DCDC2B: variants seen among roughly 807,000 people sequenced by gnomAD.
DCDC2B encodes doublecortin domain-containing protein 2B.
Under a neutral mutation model 38.9 loss-of-function variants are expected in DCDC2B, and 41 were observed. That is an observed-to-expected ratio of 1.05 (90% CI 0.82 to 1.37). The LOEUF (loss-of-function observed/expected upper bound fraction) is 1.37. DCDC2B is among the 40% of genes most tolerant of loss of function. DCDC2B has a pLI of 0.00. For synonymous variants in DCDC2B, 181 were observed against 171.9 expected (o/e 1.05, Z -0.41); for missense variants, 453 against 427.2 (o/e 1.06, Z -0.53).
chr1:32,213,681 T>C (rs1184800938), intron 6 of DCDC2B, among the ~76,000 whole-genome samples: 1 of 151,808 alleles, frequency 6.6e-6, no homozygotes, highest in East Asian at 2.0e-4. Flanking sequence ...GTTAATTTTT[T>C]TTGTATTTTT....
In DCDC2B at chr1:32,211,242, AGATGACCTGT is replaced by A; in HGVS notation, c.267-26_267-17del. 6.2e-7 allele frequency: 1 copy of A among 1,611,910 alleles called. No homozygotes were observed. Among genetic ancestry groups the A allele is most frequent in the Non-Finnish European group, 8.5e-7 (1 of 1,178,360 alleles). On this transcript the variant is annotated intron_variant, in intron 1 of 8. Coordinates refer to ENST00000409358, the MANE Select transcript of DCDC2B (RefSeq NM_001099434.2). ...GGCTATTGAGGCCTCAGTCTCCACA[AGATGACCTGT>A]GATCTATCTGTCCTTTCAGCTATTT... is the stretch of plus-strand genomic sequence containing the variant.
chr1:32,214,049 C>G (rs1305935493), intron 6 of DCDC2B, among the ~76,000 whole-genome samples: 3 of 151,832 alleles, frequency 2.0e-5, no homozygotes, highest in East Asian at 3.9e-4. Context: ...ATGGCTCACA[C>G]GTGTAATCCC....
Position 32,212,083 on chromosome 1 carries a change from G to C in DCDC2B, c.409G>C (p.Gly137Arg). The C allele has an allele frequency of 6.2e-7, 1 of 1,613,210 alleles. No homozygotes were observed. Residue 137 changes from glycine to arginine, a missense_variant, in exon 4 of 9, where the codon GGG becomes CGG. Coordinates refer to ENST00000409358, the MANE Select transcript of DCDC2B (RefSeq NM_001099434.2). ...TTTTTGTCTCAGTGTGTTCAGGAAT[G>C]GGGACCTGGTAAGTCCCCCATTTAG... ...APSYIHVFRN[G>R]DLVSPPFSLK...
chr1:32,215,650 T>A, intron 8 of DCDC2B, 107 bp downstream of exon 8: 1 of 1,158,160 alleles, frequency 8.6e-7, no homozygotes, highest in Non-Finnish European at 1.2e-6. Flanking sequence ...TGATTGAAAG[T>A]AAATGATCTC....
chr1:32,212,764 G>C lies in DCDC2B; in HGVS notation c.685G>C (p.Gly229Arg). The C allele has an allele frequency of 6.2e-7, 1 of 1,613,962 alleles. No individual in the cohort carries two copies. Among genetic ancestry groups the C allele is most frequent in the Non-Finnish European group, 8.5e-7 (1 of 1,179,876 alleles). ...SLPRGCWQPP[G>R]SKSRPHRQGA... The stretch of plus-strand genomic sequence containing the variant: ...CTTTTGTCATTGTAGGCAACCTCCA[G>C]GCTCGAAGTCTAGGCCCCACAGGCA... Residue 229 changes from glycine (G) to arginine (R), a missense_variant, in exon 6 of 9, where the codon GGC becomes CGC. Physicochemically the swap from Gly to Arg is moderately radical, Grantham distance 125. Transcript: ENST00000409358.
In DCDC2B at chr1:32,209,286, G is replaced by A. The variant is rs529439787; in HGVS notation, c.193G>A (p.Val65Ile). 6 of 1,614,028 alleles carry A rather than the reference G, an allele frequency of 3.7e-6. No homozygotes were observed. The South Asian group carries it at 5.5e-5, about 15-fold the overall frequency. Residue 65 changes from valine to isoleucine, a missense_variant, in exon 1 of 9, where the codon GTC (valine) becomes ATC (isoleucine). Coordinates refer to ENST00000409358, the MANE Select transcript of DCDC2B (RefSeq NM_001099434.2). ...CTACACACCTTGTCATGGCCACCCTGTCACCAACCTGGCAGACTTGAAGAA... is the reference window on the plus strand; with the variant it reads ...CTACACACCTTGTCATGGCCACCCTATCACCAACCTGGCAGACTTGAAGAA... ...ALYTPCHGHP[V>I]TNLADLKNRG...
At position 32,212,606 on chromosome 1, in the gene DCDC2B, T is replaced by C. The variant is rs777828857; in HGVS notation, c.644T>C (p.Val215Ala). 12 of 1,613,888 alleles carry C rather than the reference T, an allele frequency of 7.4e-6. No individual in the cohort carries two copies. In the Admixed American group the frequency reaches 1.5e-4, roughly 20 times the overall value. ...GACCTTCCCTATCTGGAGCTGCTGG[T>C]GCCCAGCCCCTCCCTGCCCAGGGGC... The part of the protein sequence containing the change: ...FKDLPYLELL[V>A]PSPSLPRGCW... The change falls in exon 5 of 9, where the codon GTG becomes GCG. Residue 215 changes from valine to alanine, a missense_variant. Physicochemically the swap from Val to Ala is moderately conservative, Grantham distance 64. Coordinates refer to ENST00000409358, the MANE Select transcript of DCDC2B (RefSeq NM_001099434.2).
At chr1:32,210,017 A>T (rs1215322393) in intron 1 of DCDC2B, among the ~76,000 whole-genome samples, 1 of 151,776 alleles carries the variant, frequency 6.6e-6, no homozygotes, top group African/African-American at 2.4e-5. Context: ...ACATGGCGAA[A>T]CTCTGTCTCT....
intron 1 of DCDC2B, 93 bp downstream of exon 1, chr1:32,209,452 C>G: frequency 2.0e-6 from 3 of 1,523,786 alleles, no homozygotes; most frequent in Non-Finnish European, 2.7e-6. Flanking sequence ...CAGCATGTTA[C>G]TGGTACTTAC....
At position 32,212,169 on chromosome 1, in the gene DCDC2B, G is replaced by A; in HGVS notation, c.495G>A (p.Glu165=). 6.2e-7 allele frequency: 1 copy of A among 1,613,766 alleles called. No homozygotes were observed. Among genetic ancestry groups the A allele is most frequent in the Non-Finnish European group, 8.5e-7 (1 of 1,179,850 alleles). ...DWETVLKLLT[E]KVKLQSGAVC... ...AAACTGTGTTGAAGCTCCTGACTGA[G>A]AAGGTCAAGTTGCAGAGTGGGGCTG... Residue 165 remains glutamate (E), a synonymous_variant, in exon 4 of 9, where the codon GAG becomes GAA. Coordinates refer to ENST00000409358, the MANE Select transcript of DCDC2B (RefSeq NM_001099434.2).
chr1:32,209,482 G>T (rs193258165), intron 1 of DCDC2B, 123 bp downstream of exon 1: 1 of 1,421,752 alleles, frequency 7.0e-7, no homozygotes, highest in Non-Finnish European at 9.4e-7. Context: ...TGTAGGGGGG[G>T]TGGTTTTGCC....
At position 32,211,335 on chromosome 1, in the gene DCDC2B, G is replaced by T; in HGVS notation, c.318+12G>T. On this transcript the variant is annotated intron_variant, in intron 2 of 8. Coordinates refer to ENST00000409358, the MANE Select transcript of DCDC2B (RefSeq NM_001099434.2). ...GCTGCAGACTACAAGTGAGTCCCGGGGAACCTGTGCCCCAGCCCCTCTGTC... is the reference window on the plus strand; with the variant it reads ...GCTGCAGACTACAAGTGAGTCCCGGTGAACCTGTGCCCCAGCCCCTCTGTC... 2 of 1,613,676 alleles carry T rather than the reference G, an allele frequency of 1.2e-6. No homozygotes were observed. The highest frequency in any genetic ancestry group is 8.5e-7 in the Non-Finnish European group (1 of 1,179,812).
rs920158239 is a variant in DCDC2B, at chr1:32,212,355, T to G, written c.528-135T>G. On this transcript the variant is annotated intron_variant, in intron 4 of 8. Coordinates refer to ENST00000409358, the MANE Select transcript of DCDC2B (RefSeq NM_001099434.2). The stretch of plus-strand genomic sequence containing the variant: ...TGGGAGAGGGCCCTCTGCCCAGCCC[T>G]CAGAGGCAGGGTAGAGCCTGGGTGC... 6.6e-6 allele frequency: 10 copies of G among 1,517,596 alleles called. No homozygotes were observed. In the South Asian group the frequency reaches 1.3e-4, roughly 19 times the overall value. The allele number at this position is 1,517,596 out of a possible 1,614,324, so 94.0% of individuals were successfully genotyped here. A position where few individuals can be genotyped will look rare whatever the true frequency, so the allele number is the denominator to read the frequency against.
chr1:32,216,131 G>C lies in DCDC2B; in HGVS notation c.*234G>C. On this transcript the variant is annotated 3_prime_UTR_variant, in exon 9 of 9. Coordinates refer to ENST00000409358, the MANE Select transcript of DCDC2B (RefSeq NM_001099434.2). ...ATTTCCTTATGGGATTCTCTGGCCA[G>C]AGAAAGGAGTAGCTGACTAAGCCTG... The C allele has an allele frequency of 2.9e-6, 2 of 680,300 alleles. No individual in the cohort carries two copies. The highest frequency in any genetic ancestry group is 1.9e-5 in the South Asian group (1 of 51,648). 42.1% of individuals were successfully genotyped at this position (680,300 alleles called of 1,614,324 possible).
At chr1:32,214,659 ACGTACTTTGTGAAGACAGACGGTGT>A in intron 6 of DCDC2B, 113 bp from the exon 7 acceptor site, 1 of 1,253,186 alleles carries the variant, frequency 8.0e-7, no homozygotes, top group Non-Finnish European at 1.1e-6. Flanking sequence ...AGGAGGGAGG[ACGTACTTTGTGAAGACAGACGGTGT>A]CTCCTCTGCC....
chr1:32,211,669 G>A, intron 2 of DCDC2B, 92 bp from the exon 3 acceptor site: 3 of 1,322,106 alleles, frequency 2.3e-6, no homozygotes. Flanking sequence ...GCCCCAGTCT[G>A]GTTCCGGCCC....
chr1:32,215,096 C>A, intron 7 of DCDC2B, 164 bp downstream of exon 7: 2 of 989,142 alleles, frequency 2.0e-6, no homozygotes, highest in Non-Finnish European at 2.9e-6. Flanking sequence ...TACTGTGGCT[C>A]AGGAGACTGC....
At chr1:32,209,570 T>C (rs562103366) in intron 1 of DCDC2B, among the ~76,000 whole-genome samples, 2 of 152,114 alleles carry the variant, frequency 1.3e-5, no homozygotes, top group African/African-American at 2.4e-5. Flanking sequence ...TCAAATAGAA[T>C]TCTGTGTGTT....
At chr1:32,215,148 G>A in intron 7 of DCDC2B, 1 of 651,784 alleles carries the variant, frequency 1.5e-6, no homozygotes, top group Non-Finnish European at 2.5e-6. Context: ...CATCATAACT[G>A]TCTCCAGCTG....
Sources: gnomAD v4.1 joint callset for allele counts (sites outside exome capture counted in the v4.1 genomes callset) on GRCh38, gnomAD v4.1.1 for gene constraint, MANE v1.5 for transcripts, NCBI Gene and HGNC (gene_info 2026-07-23, HGNC 2026-07-21) for gene names.